The following TRIO variants were observed in gnomAD, a reference collection of about 807,000 sequenced individuals.
TRIO encodes the protein trio Rho guanine nucleotide exchange factor, also known as triple functional domain protein.
TRIO carries 58 observed loss-of-function variants against 351.9 expected under a neutral mutation model. The ratio of observed to expected loss-of-function variants is 0.16; its 90% CI spans 0.13 to 0.21. TRIO has a LOEUF of 0.21. TRIO is among the 10% of genes least tolerant of loss of function. The pLI is 1.00. For synonymous variants in TRIO, 1,758 were observed against 1,595.7 expected (o/e 1.10, Z -2.42); for missense variants, 3,201 against 4,027.8 (o/e 0.79, Z 5.56).
intron 1 of TRIO, among the ~76,000 whole-genome samples, chr5:14,172,820 A>G (rs183629029): frequency 6.6e-6 from 1 of 152,370 alleles, no homozygotes; most frequent in Admixed American, 6.5e-5. Context: ...TACAGCATAC[A>G]GAATAACATA....
intron 19 of TRIO, among the ~76,000 whole-genome samples, chr5:14,377,455 A>G (rs1478990450): frequency 6.6e-6 from 1 of 152,100 alleles, no homozygotes; most frequent in Non-Finnish European, 1.5e-5. Flanking sequence ...TATGTTGGCC[A>G]GGCTGGTCTC....
chr5:14,446,896 A>G (rs1752480621), intron 34 of TRIO, among the ~76,000 whole-genome samples: 2 of 152,154 alleles, frequency 1.3e-5, no homozygotes, highest in Admixed American at 1.3e-4. Context: ...CTAATATTCC[A>G]TCCCTTGAAA....
rs71599622 is a variant in TRIO at position 14,372,253 on chromosome 5, TGAGA to T, written c.3217-1956_3217-1953del. 2.0e-3 allele frequency among the ~76,000 whole-genome samples: 228 copies of T among 115,356 alleles called. 1 individual carries two copies. The highest frequency in any genetic ancestry group is 6.6e-3 in the African/African-American group (205 of 30,934). 75.7% of individuals were successfully genotyped at this position (115,356 alleles called of 152,430 possible). On this transcript the variant is annotated intron_variant, in intron 18 of 56. Coordinates refer to ENST00000344204, the MANE Select transcript of TRIO (RefSeq NM_007118.4). ...GGGGGAAGAAAGAGAGGCGGGGGTG[TGAGA>T]GAGAGAGAGAGAGAGAGAGTGCAGG...
chr5:14,369,598 C>A, intron 18 of TRIO, 75 bp downstream of exon 18: 1 of 1,496,136 alleles, frequency 6.7e-7, no homozygotes, highest in Non-Finnish European at 9.0e-7. Context: ...ACAGTCATCG[C>A]TTCCCAAGGG....
chr5:14,439,763 G>A (rs1371792680), intron 34 of TRIO, among the ~76,000 whole-genome samples: 1 of 152,300 alleles, frequency 6.6e-6, no homozygotes, highest in African/African-American at 2.4e-5. Flanking sequence ...ACAACCTTAC[G>A]CTTTGCTTTT....
At chr5:14,334,120 C>T (rs1013107863) in intron 10 of TRIO, among the ~76,000 whole-genome samples, 10 of 152,220 alleles carry the variant, frequency 6.6e-5, no homozygotes, top group Admixed American at 3.3e-4. Context: ...GATTTCCTCG[C>T]CTGTGAAATG....
intron 34 of TRIO, among the ~76,000 whole-genome samples, chr5:14,432,217 G>A (rs966179222): frequency 9.3e-4 from 142 of 152,302 alleles, no homozygotes; most frequent in African/African-American, 3.2e-3. Flanking sequence ...CCCCATTTTA[G>A]GGTAGGAAAA....
chr5:14,422,990 G>A (rs1237182073), intron 34 of TRIO, among the ~76,000 whole-genome samples: 1 of 152,192 alleles, frequency 6.6e-6, no homozygotes, highest in Non-Finnish European at 1.5e-5. Context: ...TGTGGACGAA[G>A]TTTGCTTTGG....
In TRIO at chr5:14,444,308, T is replaced by G. The variant is rs552750701; in HGVS notation, c.5204-16711T>G. 5.9e-5 allele frequency among the ~76,000 whole-genome samples: 9 copies of G among 152,232 alleles called. No homozygotes were observed. The East Asian group carries it at 1.2e-3, about 20-fold the overall frequency. On this transcript the variant is annotated intron_variant, in intron 34 of 56. Coordinates refer to ENST00000344204, the MANE Select transcript of TRIO (RefSeq NM_007118.4). Reference sequence around the variant, plus strand: ...CATGGAATATTCAGTTTCACATGAATAAACAAAAACCACAGAAGTACTTGT... The same window carrying G: ...CATGGAATATTCAGTTTCACATGAAGAAACAAAAACCACAGAAGTACTTGT...
At chr5:14,179,514 C>G (rs2152135594) in intron 1 of TRIO, among the ~76,000 whole-genome samples, 1 of 150,778 alleles carries the variant, frequency 6.6e-6, no homozygotes, top group African/African-American at 2.4e-5. Flanking sequence ...CAATTTGGAG[C>G]AGTGGCACAA....
At chr5:14,479,208 C>A in intron 41 of TRIO, 53 bp from the exon 42 acceptor site, 1 of 1,469,164 alleles carries the variant, frequency 6.8e-7, no homozygotes, top group South Asian at 1.1e-5. Context: ...CTCGTGTATT[C>A]TAATCGAATT....
At chr5:14,179,142 G>C (rs1385916445) in intron 1 of TRIO, among the ~76,000 whole-genome samples, 1 of 152,066 alleles carries the variant, frequency 6.6e-6, no homozygotes, top group South Asian at 2.1e-4. Flanking sequence ...TGCTGCTCCC[G>C]GCCAGCACGT....
intron 11 of TRIO, among the ~76,000 whole-genome samples, chr5:14,340,786 T>C (rs934564838): frequency 1.3e-5 from 2 of 152,180 alleles, no homozygotes; most frequent in Non-Finnish European, 2.9e-5. Flanking sequence ...TCTGGTTCTT[T>C]TACCCCAGAG....
chr5:14,396,564 G>T (rs1457804463), intron 28 of TRIO, among the ~76,000 whole-genome samples: 1 of 133,362 alleles, frequency 7.5e-6, no homozygotes, highest in Non-Finnish European at 1.5e-5. Flanking sequence ...CCACCTCCCA[G>T]GTTCATGTGA....
chr5:14,420,217 A>G, intron 34 of TRIO, 196 bp downstream of exon 34: 1 of 752,648 alleles, frequency 1.3e-6, no homozygotes, highest in Non-Finnish European at 2.1e-6. Flanking sequence ...CCCACGACTC[A>G]GAAATAATGA....
intron 9 of TRIO, among the ~76,000 whole-genome samples, chr5:14,328,534 C>T (rs1330042580): frequency 3.3e-5 from 5 of 152,218 alleles, no homozygotes; most frequent in Non-Finnish European, 7.3e-5. Context: ...AAACAATGGA[C>T]TCAATACTCT....
chr5:14,354,645 T>A (rs548024961), intron 11 of TRIO, among the ~76,000 whole-genome samples: 1 of 152,262 alleles, frequency 6.6e-6, no homozygotes, highest in Non-Finnish European at 1.5e-5. Flanking sequence ...CTTTTTCAGA[T>A]GTACATTTGC....
chr5:14,477,376 T>C (rs1755162067), intron 41 of TRIO: 1 of 153,780 alleles, frequency 6.5e-6, no homozygotes, highest in African/African-American at 2.4e-5. Flanking sequence ...AATCATGATA[T>C]ATTTTTAGAA....
chr5:14,488,054 A>AGCAGCCCCCT lies in TRIO; in HGVS notation c.7431_7440dup (p.Lys2481ProfsTer47), dbSNP rs746175760. The AGCAGCCCCCT allele has an allele frequency of 6.2e-7, 1 of 1,608,438 alleles. No individual in the cohort carries two copies. The highest frequency in any genetic ancestry group is 1.1e-5 in the South Asian group (1 of 90,506). On this transcript the variant is annotated frameshift_variant, in exon 48 of 57. Transcript: ENST00000344204. LOFTEE classifies it high-confidence loss of function. ...TCTCGGCAAGGAGCCCTTCCCCCCC[A>AGCAGCCCCCT]GCAGCCCCCTGCAGAAGGGGGGCTC...
Sources: allele counts gnomAD v4.1 joint callset (sites outside exome capture counted in the v4.1 genomes callset), GRCh38; gene constraint gnomAD v4.1.1; transcripts MANE v1.5; gene names NCBI Gene and HGNC (gene_info 2026-07-23, HGNC 2026-07-21).